The following FKTN variants were observed in gnomAD, a reference collection of about 807,000 sequenced individuals.
FKTN encodes ribitol-5-phosphate transferase FKTN.
FKTN carries 47 observed loss-of-function variants against 58.6 expected under a neutral mutation model. The observed-to-expected ratio is 0.80, with a 90% CI of 0.63 to 1.02. The LOEUF (loss-of-function observed/expected upper bound fraction) is 1.02. Ranked by LOEUF, FKTN falls within the 50% of genes least tolerant of loss-of-function variation. FKTN has a pLI of 0.00. For synonymous variants in FKTN, 178 were observed against 191.9 expected (o/e 0.93, Z 0.60); for missense variants, 516 against 537.3 (o/e 0.96, Z 0.39).
At chr9:105,627,416 C>T (rs563219011) in intron 10 of FKTN, among the ~76,000 whole-genome samples, 1 of 152,244 alleles carries the variant, frequency 6.6e-6, no homozygotes, top group African/African-American at 2.4e-5. Context: ...TCTTGTACTA[C>T]CTTCTAGAAA....
chr9:105,570,188 C>A (rs1840496408), intron 1 of FKTN, among the ~76,000 whole-genome samples: 1 of 151,868 alleles, frequency 6.6e-6, no homozygotes, highest in Admixed American at 6.6e-5. Flanking sequence ...AAAGTTCCTG[C>A]AGAACAGAAA....
At chr9:105,561,562 A>G (rs1409119202) in intron 1 of FKTN, among the ~76,000 whole-genome samples, 1 of 152,158 alleles carries the variant, frequency 6.6e-6, no homozygotes, top group Non-Finnish European at 1.5e-5. Flanking sequence ...CATTTCAGCC[A>G]CTATCTTTCC....
intron 3 of FKTN, among the ~76,000 whole-genome samples, chr9:105,586,151 A>G (rs1181686598): frequency 6.6e-6 from 1 of 152,208 alleles, no homozygotes; most frequent in East Asian, 1.9e-4. Flanking sequence ...AGCTGGTTAG[A>G]CAAGCCTAGC....
chr9:105,620,817 G>GTAGTAA (rs1554761963), intron 10 of FKTN, among the ~76,000 whole-genome samples: 11 of 150,600 alleles, frequency 7.3e-5, no homozygotes, highest in African/African-American at 2.7e-4. Flanking sequence ...AGTAGTAGTA[G>GTAGTAA]TAGTAAAGAA....
At chr9:105,563,080 T>G (rs1422236246) in intron 1 of FKTN, among the ~76,000 whole-genome samples, 5 of 152,168 alleles carry the variant, frequency 3.3e-5, no homozygotes, top group African/African-American at 7.2e-5. Flanking sequence ...GGAGGAGGTG[T>G]CAGGGTAAAC....
In FKTN at chr9:105,615,271, T is replaced by G; in HGVS notation, c.781-7T>G. On this transcript the variant is annotated splice_polypyrimidine_tract_variant and splice_region_variant and intron_variant, in intron 7 of 10. Coordinates refer to ENST00000357998, the MANE Select transcript of FKTN (RefSeq NM_001079802.2). ...CTGTAATAGCTGACTATTTATTATA[T>G]CTGTAGCAGTACCTTGATGATAACA... is the stretch of plus-strand genomic sequence containing the variant. 6.2e-7 allele frequency: 1 copy of G among 1,613,746 alleles called. No homozygotes were observed.
At chr9:105,605,158 C>T (rs1192901800) in intron 6 of FKTN, among the ~76,000 whole-genome samples, 1 of 151,314 alleles carries the variant, frequency 6.6e-6, no homozygotes, top group African/African-American at 2.4e-5. Flanking sequence ...TTCTTTTATT[C>T]ATTAATAAAC....
chr9:105,578,401 G>A (rs1475343915), intron 3 of FKTN, among the ~76,000 whole-genome samples: 2 of 135,362 alleles, frequency 1.5e-5, no homozygotes, highest in South Asian at 5.4e-4. Context: ...TTTTGTCAAA[G>A]GCTTTTTCTG....
intron 1 of FKTN, among the ~76,000 whole-genome samples, chr9:105,572,975 C>T (rs1042882869): frequency 1.3e-5 from 2 of 152,160 alleles, no homozygotes; most frequent in South Asian, 4.1e-4. Context: ...TGGCTCATGC[C>T]TGTAATCCCA....
rs1164066783 is a variant in FKTN at position 105,559,441 on chromosome 9, G to A, written c.-181+1276G>A. 1.3e-5 allele frequency among the ~76,000 whole-genome samples: 2 copies of A among 152,144 alleles called. 1 individual carries two copies. ...TCACGCCTGTAATCCCAGCACTTTG[G>A]GAGGCTGAGGCGGGTGGATCACCTG... On this transcript the variant is annotated intron_variant, in intron 1 of 10. Coordinates refer to ENST00000357998, the MANE Select transcript of FKTN (RefSeq NM_001079802.2).
At chr9:105,623,695 C>T (rs920176427) in intron 10 of FKTN, among the ~76,000 whole-genome samples, 14 of 152,184 alleles carry the variant, frequency 9.2e-5, no homozygotes, top group Admixed American at 7.9e-4. Context: ...TTACCAACTG[C>T]TATGTGCTAA....
chr9:105,565,384 G>A (rs541341866), intron 1 of FKTN, among the ~76,000 whole-genome samples: 25 of 152,124 alleles, frequency 1.6e-4, no homozygotes, highest in Admixed American at 3.3e-4. Flanking sequence ...ACCCACCAGT[G>A]TGCTGTATTC....
chr9:105,592,470 C>T (rs532157850), intron 3 of FKTN, among the ~76,000 whole-genome samples: 5 of 152,152 alleles, frequency 3.3e-5, no homozygotes, highest in East Asian at 1.9e-4. Flanking sequence ...AACCCTGTCT[C>T]TACTAAAAAT....
At chr9:105,609,925 T>C (rs998081884) in intron 7 of FKTN, among the ~76,000 whole-genome samples, 1 of 152,256 alleles carries the variant, frequency 6.6e-6, no homozygotes, top group Non-Finnish European at 1.5e-5. Flanking sequence ...ACTTTAAAAC[T>C]ATGTAAATAT....
At chr9:105,604,134 T>C in intron 5 of FKTN, 81 bp from the exon 6 acceptor site, 3 of 1,398,882 alleles carry the variant, frequency 2.1e-6, no homozygotes, top group East Asian at 2.3e-5. Context: ...AGAATCACTT[T>C]AGTTTTGCTA....
At chr9:105,628,762 A>G (rs1833044387) in intron 10 of FKTN, among the ~76,000 whole-genome samples, 1 of 152,222 alleles carries the variant, frequency 6.6e-6, no homozygotes, top group East Asian at 1.9e-4. Context: ...GATAAATGCA[A>G]TAACATGGAT....
chr9:105,569,437 C>T (rs368485219), intron 1 of FKTN, among the ~76,000 whole-genome samples: 4 of 152,178 alleles, frequency 2.6e-5, no homozygotes, highest in African/African-American at 9.6e-5. Context: ...TTTTCCAAGC[C>T]TTTTCACATC....
intron 1 of FKTN, among the ~76,000 whole-genome samples, chr9:105,561,567 C>G (rs1199412631): frequency 1.2e-4 from 18 of 152,166 alleles, no homozygotes; most frequent in Admixed American, 1.2e-3. Context: ...CAGCCACTAT[C>G]TTTCCAAAAC....
chr9:105,639,071 C>T lies in FKTN; in HGVS notation c.*3807C>T. The T allele has an allele frequency of 1.0e-6, 1 of 985,116 alleles. No individual in the cohort carries two copies. The highest frequency in any genetic ancestry group is 1.2e-6 in the Non-Finnish European group (1 of 829,708). 61.0% of individuals were successfully genotyped at this position (985,116 alleles called of 1,614,324 possible). On this transcript the variant is annotated 3_prime_UTR_variant, in exon 11 of 11. Coordinates refer to ENST00000357998, the MANE Select transcript of FKTN (RefSeq NM_001079802.2). Reference sequence around the variant, plus strand: ...TGGAAAGTGAACAGTTTTTTAAATCCTAAATGTTATAAATCCTTAGGAGAA... The same window carrying T: ...TGGAAAGTGAACAGTTTTTTAAATCTTAAATGTTATAAATCCTTAGGAGAA...
Sources: gnomAD v4.1 joint callset for allele counts (sites outside exome capture counted in the v4.1 genomes callset) on GRCh38, gnomAD v4.1.1 for gene constraint, MANE v1.5 for transcripts, NCBI Gene and HGNC (gene_info 2026-07-23, HGNC 2026-07-21) for gene names.